The following MTMR2 variants were observed in gnomAD, a reference collection of about 807,000 sequenced individuals.
MTMR2 encodes the protein phosphatidylinositol-3,5-bisphosphate 3-phosphatase MTMR2.
Under a neutral mutation model 86.9 loss-of-function variants are expected in MTMR2, and 55 were observed. That is an observed-to-expected ratio of 0.63 (90% confidence interval 0.51 to 0.79). The LOEUF is 0.79. Ranked by LOEUF, MTMR2 falls within the 30% of genes least tolerant of loss-of-function variation. The probability of loss-of-function intolerance (pLI) is 0.00; values close to 1 mark genes in which losing one functional copy is unlikely to be tolerated. For missense variants in MTMR2, 659 were observed against 772.3 expected (o/e 0.85, Z 1.74); for synonymous variants, 241 against 266.8 (o/e 0.90, Z 0.94).
Position 95,835,539 on chromosome 11 carries a change from T to C in MTMR2, c.1771-88A>G, listed in dbSNP as rs1191607335. On this transcript the variant is annotated intron_variant, in intron 14 of 14. Transcript: ENST00000346299. The stretch of plus-strand genomic sequence containing the variant: ...TCCCTAAATGTTGCAGTGTATGTTT[T>C]TTCAGCTGTTGGAACCAATGGCACC... 27 of 1,396,782 alleles carry C rather than the reference T, an allele frequency of 1.9e-5. No homozygotes were observed. The East Asian group carries it at 6.0e-4, about 31-fold the overall frequency. 86.5% of individuals were successfully genotyped at this position (1,396,782 alleles called of 1,614,324 possible).
At chr11:95,878,623 T>C (rs1865211003) in intron 2 of MTMR2, among the ~76,000 whole-genome samples, 1 of 152,138 alleles carries the variant, frequency 6.6e-6, no homozygotes, top group Admixed American at 6.5e-5. Context: ...CATAATTTAA[T>C]GCTTCCTTGA....
At chr11:95,854,465 C>T (rs1214704534) in intron 7 of MTMR2, among the ~76,000 whole-genome samples, 3 of 152,062 alleles carry the variant, frequency 2.0e-5, no homozygotes, top group Non-Finnish European at 4.4e-5. Flanking sequence ...TGCTCGTTAT[C>T]TTTTTTGTTC....
At chr11:95,836,127 T>C in intron 14 of MTMR2, 21 bp downstream of exon 14, 2 of 1,586,488 alleles carry the variant, frequency 1.3e-6, no homozygotes, top group South Asian at 1.1e-5. Flanking sequence ...AAACTCCCAT[T>C]GTATATTGTA....
At chr11:95,918,351 C>T (rs1052084220) in intron 1 of MTMR2, among the ~76,000 whole-genome samples, 2 of 152,206 alleles carry the variant, frequency 1.3e-5, no homozygotes, top group Non-Finnish European at 1.5e-5. Context: ...CAAAGAGATA[C>T]TGATGCTACT....
Position 95,834,439 on chromosome 11 carries a change from A to T in MTMR2, c.*851T>A. On this transcript the variant is annotated 3_prime_UTR_variant, in exon 15 of 15. Transcript: ENST00000346299. ...CAGAAAAAATGTCAATCCTAGTAAGATTTTTAAATACTTCTTAAAAACTTG... is the reference window on the plus strand; with the variant it reads ...CAGAAAAAATGTCAATCCTAGTAAGTTTTTTAAATACTTCTTAAAAACTTG... The T allele has an allele frequency of 6.6e-6, 1 of 152,110 alleles. No homozygotes were observed. The highest frequency in any genetic ancestry group is 1.9e-4 in the East Asian group (1 of 5,198). 9.4% of individuals were successfully genotyped at this position (152,110 alleles called of 1,614,324 possible). A position where few individuals can be genotyped will look rare whatever the true frequency, so the allele number is the denominator to read the frequency against.
intron 1 of MTMR2, among the ~76,000 whole-genome samples, chr11:95,905,346 C>T (rs1214758320): frequency 1.3e-5 from 2 of 151,700 alleles, no homozygotes; most frequent in African/African-American, 4.8e-5. Flanking sequence ...CACACACACA[C>T]ACACACACAC....
At chr11:95,913,133 C>T (rs923801683) in intron 1 of MTMR2, 1 of 152,008 alleles carries the variant, frequency 6.6e-6, no homozygotes, top group Non-Finnish European at 1.5e-5. Context: ...TTACATAACC[C>T]ATATGTCCTC....
At chr11:95,888,112 T>C in intron 2 of MTMR2, 44 bp downstream of exon 2, 1 of 1,398,172 alleles carries the variant, frequency 7.2e-7, no homozygotes. Context: ...CCACAAATAT[T>C]TAACAGAAAG....
intron 1 of MTMR2, among the ~76,000 whole-genome samples, chr11:95,909,386 T>G (rs1296465690): frequency 6.6e-6 from 1 of 152,186 alleles, no homozygotes; most frequent in African/African-American, 2.4e-5. Flanking sequence ...AAATGAAGTT[T>G]GGTACCTACT....
At chr11:95,872,610 TCTC>T (rs535666316) in intron 2 of MTMR2, among the ~76,000 whole-genome samples, 4,676 of 152,246 alleles carry the variant, frequency 0.031, 106 homozygotes, top group South Asian at 0.073. Flanking sequence ...TTTATTTCCT[TCTC>T]CTGCCTGATT....
chr11:95,923,522 G>C (rs1171521971), intron 1 of MTMR2, among the ~76,000 whole-genome samples: 1 of 151,568 alleles, frequency 6.6e-6, no homozygotes, highest in Non-Finnish European at 1.5e-5. Context: ...GACAGAGAAA[G>C]ACAGGAAATG....
chr11:95,893,388 TA>T (rs1157547192), intron 1 of MTMR2, among the ~76,000 whole-genome samples: 1 of 152,086 alleles, frequency 6.6e-6, no homozygotes, highest in Non-Finnish European at 1.5e-5. Flanking sequence ...TTAACTTTCT[TA>T]ACTTTCCCTT....
chr11:95,905,329 GCGCACA>G (rs1413197782), intron 1 of MTMR2, among the ~76,000 whole-genome samples: 3 of 39,740 alleles, frequency 7.5e-5, no homozygotes, highest in South Asian at 9.4e-4. Context: ...GCACGCACCT[GCGCACA>G]CACACACACA....
chr11:95,868,221 G>T (rs1168379022), intron 2 of MTMR2, among the ~76,000 whole-genome samples: 1 of 132,022 alleles, frequency 7.6e-6, no homozygotes, highest in African/African-American at 2.8e-5. Flanking sequence ...TCAGTGAGCT[G>T]TGATGCACTC....
chr11:95,838,055 G>A (rs756207944), intron 13 of MTMR2, 39 bp downstream of exon 13: 13 of 1,212,678 alleles, frequency 1.1e-5, no homozygotes, highest in Non-Finnish European at 1.5e-5. Context: ...AAAGTATACA[G>A]TAGAGATAGT....
chr11:95,893,083 C>T (rs1865766188), intron 1 of MTMR2, among the ~76,000 whole-genome samples: 1 of 152,088 alleles, frequency 6.6e-6, no homozygotes, highest in Non-Finnish European at 1.5e-5. Flanking sequence ...CATCCACCCA[C>T]CCATCCTCCT....
chr11:95,836,338 A>G lies in MTMR2; in HGVS notation c.1594-14T>C. Reference sequence around the variant, plus strand: ...TTTAGGAAGATTCTGTAGGCAGGAAAAATAGGTAAAGATTCTCCACCACAT... The same window carrying G: ...TTTAGGAAGATTCTGTAGGCAGGAAGAATAGGTAAAGATTCTCCACCACAT... On this transcript the variant is annotated splice_polypyrimidine_tract_variant and intron_variant, in intron 13 of 14. Coordinates refer to ENST00000346299, the MANE Select transcript of MTMR2 (RefSeq NM_016156.6). The G allele has an allele frequency of 6.3e-7, 1 of 1,588,506 alleles. No individual in the cohort carries two copies. The highest frequency in any genetic ancestry group is 8.6e-7 in the Non-Finnish European group (1 of 1,160,258).
intron 1 of MTMR2, among the ~76,000 whole-genome samples, chr11:95,923,436 G>A (rs2135656978): frequency 6.6e-6 from 1 of 152,088 alleles, no homozygotes; most frequent in East Asian, 1.9e-4. Context: ...AAAGGGCTGG[G>A]CAAGAACCCA....
rs577785109 is a variant in MTMR2 at position 95,899,937 on chromosome 11, A to G, written c.81-11676T>C. ...TCTGAGGACAATGGGAAGCCATCAA[A>G]CATTTCTGAGTAGAAGTGTCAAATA... On this transcript the variant is annotated intron_variant, in intron 1 of 14. Transcript: ENST00000346299. Among the ~76,000 whole-genome samples the G allele has an allele frequency of 2.6e-5, 4 of 152,298 alleles. No individual in the cohort carries two copies. In the South Asian group the frequency reaches 8.3e-4, roughly 32 times the overall value.
Sources: allele counts gnomAD v4.1 joint callset (sites outside exome capture counted in the v4.1 genomes callset), GRCh38; gene constraint gnomAD v4.1.1; transcripts MANE v1.5; gene names NCBI Gene and HGNC (gene_info 2026-07-23, HGNC 2026-07-21).